The following PLXNA4 variants were observed in gnomAD, a reference collection of about 807,000 sequenced individuals.
PLXNA4 encodes the protein plexin-A4.
Under a neutral mutation model 191.8 loss-of-function variants are expected in PLXNA4, and 44 were observed. The observed-to-expected ratio is 0.23, with a 90% confidence interval of 0.18 to 0.29. The LOEUF (loss-of-function observed/expected upper bound fraction) is 0.29, where lower values mean the gene tolerates loss of function less well. PLXNA4 is among the 10% of genes least tolerant of loss of function. The probability of loss-of-function intolerance (pLI) is 1.00; values close to 1 mark genes in which losing one functional copy is unlikely to be tolerated. For missense variants in PLXNA4, 1,800 were observed against 2,488.8 expected (o/e 0.72, Z 5.89); for synonymous variants, 1,082 against 1,009.5 (o/e 1.07, Z -1.36).
chr7:132,204,804 A>C (rs1737112825), intron 10 of PLXNA4, among the ~76,000 whole-genome samples: 1 of 152,206 alleles, frequency 6.6e-6, no homozygotes, highest in Non-Finnish European at 1.5e-5. Context: ...TCTTCGATGC[A>C]GAAAATTGCC....
intron 1 of PLXNA4, among the ~76,000 whole-genome samples, chr7:132,541,450 C>A (rs778853443): frequency 2.0e-5 from 3 of 152,220 alleles, no homozygotes; most frequent in Non-Finnish European, 4.4e-5. Context: ...GGCCCCAGGT[C>A]ATATTTTGTG....
chr7:132,364,516 A>G (rs912919936), intron 3 of PLXNA4, among the ~76,000 whole-genome samples: 2 of 152,152 alleles, frequency 1.3e-5, no homozygotes, highest in Non-Finnish European at 2.9e-5. Flanking sequence ...GACATCTGAG[A>G]GTGGCAGCCA....
intron 2 of PLXNA4, among the ~76,000 whole-genome samples, chr7:132,634,722 T>A (rs974845429): frequency 1.3e-5 from 2 of 152,210 alleles, no homozygotes; most frequent in Non-Finnish European, 2.9e-5. Context: ...GATCCCCTTC[T>A]GGCCACCACC....
intron 3 of PLXNA4, among the ~76,000 whole-genome samples, chr7:132,488,394 C>A (rs1024907336): frequency 6.6e-6 from 1 of 152,198 alleles, no homozygotes; most frequent in Non-Finnish European, 1.5e-5. Flanking sequence ...TAGTCTCAAT[C>A]TTTACTCAAT....
intron 30 of PLXNA4, among the ~76,000 whole-genome samples, chr7:132,134,306 T>C (rs1223236297): frequency 6.6e-6 from 1 of 152,196 alleles, no homozygotes; most frequent in Non-Finnish European, 1.5e-5. Context: ...CAGGACCCTG[T>C]CTGTCTTGTG....
At chr7:132,149,322 C>T (rs777937934) in intron 25 of PLXNA4, among the ~76,000 whole-genome samples, 4 of 152,210 alleles carry the variant, frequency 2.6e-5, no homozygotes, top group South Asian at 4.1e-4. Context: ...ATATTATTCT[C>T]ACGGGTCCAA....
At chr7:132,394,247 C>A (rs899847362) in intron 3 of PLXNA4, among the ~76,000 whole-genome samples, 2 of 152,182 alleles carry the variant, frequency 1.3e-5, no homozygotes, top group Non-Finnish European at 2.9e-5. Context: ...CTCTGTCCTA[C>A]CCCCTCGAGA....
At chr7:132,408,775 T>C (rs374264148) in intron 3 of PLXNA4, among the ~76,000 whole-genome samples, 3 of 151,962 alleles carry the variant, frequency 2.0e-5, no homozygotes, top group African/African-American at 4.8e-5. Flanking sequence ...TAAAAACACA[T>C]TATTTATAAA....
chr7:132,375,289 C>T lies in PLXNA4; in HGVS notation c.1372-77067G>A, dbSNP rs950397819. On this transcript the variant is annotated intron_variant, in intron 3 of 31. Coordinates refer to ENST00000321063, the MANE Select transcript of PLXNA4 (RefSeq NM_020911.2). ...TCCCCTTAACTCCATCCCGCCCCCCCCCACGCCCCAGCCCTCAAAACAATT... is the reference window on the plus strand; with the variant it reads ...TCCCCTTAACTCCATCCCGCCCCCCTCCACGCCCCAGCCCTCAAAACAATT... Among the ~76,000 whole-genome samples the T allele has an allele frequency of 2.8e-4, 42 of 152,232 alleles. 1 individual carries two copies. Among genetic ancestry groups the T allele is most frequent in the Middle Eastern group, 3.4e-3 (1 of 294 alleles).
intron 22 of PLXNA4, 110 bp from the exon 23 acceptor site, chr7:132,165,310 C>A: frequency 1.4e-6 from 2 of 1,438,346 alleles, no homozygotes; most frequent in Non-Finnish European, 1.8e-6. Flanking sequence ...GATCTTGCTG[C>A]TTCTAGCGTT....
intron 3 of PLXNA4, among the ~76,000 whole-genome samples, chr7:132,436,792 G>A (rs950655771): frequency 6.6e-6 from 1 of 152,138 alleles, no homozygotes; most frequent in African/African-American, 2.4e-5. Context: ...CCGCAAGCTA[G>A]GAATGACCTA....
intron 3 of PLXNA4, among the ~76,000 whole-genome samples, chr7:132,418,777 G>C (rs569354902): frequency 6.6e-6 from 1 of 152,260 alleles, no homozygotes; most frequent in African/African-American, 2.4e-5. Flanking sequence ...GAAGAACAAA[G>C]AGTAAGCAGG....
chr7:132,563,121 CTTCT>C (rs1801393550), intron 1 of PLXNA4, among the ~76,000 whole-genome samples: 1 of 109,196 alleles, frequency 9.2e-6, no homozygotes, highest in Non-Finnish European at 2.0e-5. Flanking sequence ...CCTCCTCCTC[CTTCT>C]CCTCCTCCTC....
intron 3 of PLXNA4, among the ~76,000 whole-genome samples, chr7:132,315,306 T>C (rs539874618): frequency 6.6e-5 from 10 of 152,188 alleles, no homozygotes; most frequent in Non-Finnish European, 1.5e-5. Flanking sequence ...ACATTTCAAA[T>C]AAGATTTGGC....
chr7:132,473,726 T>C (rs1797016421), intron 3 of PLXNA4, among the ~76,000 whole-genome samples: 1 of 151,988 alleles, frequency 6.6e-6, no homozygotes, highest in Non-Finnish European at 1.5e-5. Context: ...GTTTCAGTCA[T>C]ATTAGAGAAG....
intron 1 of PLXNA4, among the ~76,000 whole-genome samples, chr7:132,563,199 CT>C: frequency 1.3e-5 from 1 of 79,222 alleles, no homozygotes; most frequent in Non-Finnish European, 2.9e-5. Context: ...TCCTCCTCCT[CT>C]TCCTCCTCCT....
In PLXNA4 at chr7:132,395,682, A is replaced by G. The variant is rs188354622; in HGVS notation, c.1371+93610T>C. On this transcript the variant is annotated intron_variant, in intron 3 of 31. Coordinates refer to ENST00000321063, the MANE Select transcript of PLXNA4 (RefSeq NM_020911.2). ...AGCCTGGAAGCTGGGAGCCTCAATT[A>G]GCCTCTTGGAGAGAGGGGAGAGTAT... Among the ~76,000 whole-genome samples the G allele has an allele frequency of 4.2e-3, 634 of 152,342 alleles. 3 individuals are homozygous for G. The highest frequency in any genetic ancestry group is 6.6e-3 in the Non-Finnish European group (451 of 68,034).
chr7:132,213,873 T>C lies in PLXNA4; in HGVS notation c.2098-2730A>G, dbSNP rs369764705. 3.3e-5 allele frequency among the ~76,000 whole-genome samples: 5 copies of C among 152,272 alleles called. No individual in the cohort carries two copies. The East Asian group carries it at 7.7e-4, about 24-fold the overall frequency. ...GAGAGCCAGGAGGCCCTGGAATCTC[T>C]TCCCACCACCTCCCGCCATCCACAT... On this transcript the variant is annotated intron_variant, in intron 9 of 31. Transcript: ENST00000321063.
chr7:132,491,529 C>A lies in PLXNA4; in HGVS notation c.1189-2055G>T, dbSNP rs576811936. Among the ~76,000 whole-genome samples, 5 of 152,248 alleles carry A rather than the reference C, an allele frequency of 3.3e-5. No homozygotes were observed. In the East Asian group the frequency reaches 9.7e-4, roughly 29 times the overall value. ...AGCGTGGGCAAGCCTGAGCAGGCCACGTGTAGAGCAGACATCCACTCCAGG... is the reference window on the plus strand; with the variant it reads ...AGCGTGGGCAAGCCTGAGCAGGCCAAGTGTAGAGCAGACATCCACTCCAGG... On this transcript the variant is annotated intron_variant, in intron 2 of 31. Transcript: ENST00000321063.
Sources: allele counts gnomAD v4.1 joint callset (sites outside exome capture counted in the v4.1 genomes callset), GRCh38; gene constraint gnomAD v4.1.1; transcripts MANE v1.5; gene names NCBI Gene and HGNC (gene_info 2026-07-23, HGNC 2026-07-21).